Variants in RGS12 observed in about 807,000 individuals in gnomAD.
RGS12 encodes the protein regulator of G-protein signaling 12.
Under a neutral mutation model 120.1 loss-of-function variants are expected in RGS12, and 66 were observed. The ratio of observed to expected loss-of-function variants is 0.55; its 90% CI spans 0.45 to 0.67. The LOEUF (loss-of-function observed/expected upper bound fraction) is 0.67, where lower values mean the gene tolerates loss of function less well. Among genes scored for constraint, RGS12 ranks in the 30% least tolerant of loss-of-function variants. The probability of loss-of-function intolerance (pLI) is 0.00; values close to 1 mark genes in which losing one functional copy is unlikely to be tolerated. For missense variants in RGS12, 1,859 were observed against 1,957.7 expected (o/e 0.95, Z 0.95); for synonymous variants, 827 against 804.7 (o/e 1.03, Z -0.47).
intron 17 of RGS12, among the ~76,000 whole-genome samples, chr4:3,435,263 A>G (rs1340654113): frequency 1.3e-5 from 2 of 152,060 alleles, no homozygotes; most frequent in African/African-American, 4.8e-5. Flanking sequence ...TGGGGGTGAA[A>G]GTACCCCCCA....
chr4:3,297,440 T>C (rs955515017), intron 1 of RGS12, among the ~76,000 whole-genome samples: 2 of 152,198 alleles, frequency 1.3e-5, no homozygotes, highest in Admixed American at 1.3e-4. Context: ...TTTTTTTATT[T>C]CTCCCAAAGG....
intron 4 of RGS12, among the ~76,000 whole-genome samples, chr4:3,412,780 T>C (rs1721876057): frequency 6.6e-6 from 1 of 152,244 alleles, no homozygotes; most frequent in South Asian, 2.1e-4. Flanking sequence ...ACGTCATCTG[T>C]GGTCAGCAGG....
At chr4:3,423,916 G>A in intron 13 of RGS12, 1 of 380,946 alleles carries the variant, frequency 2.6e-6, no homozygotes. Context: ...GAGAAACAAA[G>A]CAACCAACCC....
At chr4:3,400,829 A>T (rs998247744) in intron 4 of RGS12, among the ~76,000 whole-genome samples, 6 of 149,472 alleles carry the variant, frequency 4.0e-5, no homozygotes, top group Non-Finnish European at 7.4e-5. Flanking sequence ...ACTTAATAGA[A>T]TACATATAAT....
chr4:3,424,714 G>T (rs569168758), intron 13 of RGS12, among the ~76,000 whole-genome samples: 2 of 152,350 alleles, frequency 1.3e-5, no homozygotes, highest in Non-Finnish European at 2.9e-5. Flanking sequence ...TGTGGAATGG[G>T]TTGTTTGGGA....
intron 4 of RGS12, chr4:3,413,750 C>T (rs1722011954): frequency 7.3e-6 from 2 of 275,842 alleles, no homozygotes; most frequent in Non-Finnish European, 1.4e-5. Context: ...TTTGTTGTTG[C>T]TTGGGCGAGT....
intron 3 of RGS12, among the ~76,000 whole-genome samples, chr4:3,384,253 C>T (rs1718578300): frequency 1.3e-5 from 2 of 152,148 alleles, no homozygotes; most frequent in African/African-American, 4.8e-5. Context: ...CTCCCGGGTT[C>T]AAGCGATTCT....
At chr4:3,309,112 T>C (rs1351370072) in intron 1 of RGS12, among the ~76,000 whole-genome samples, 867 of 59,000 alleles carry the variant, frequency 0.015, 1 homozygote, top group African/African-American at 0.046. Context: ...GGGAACCGTG[T>C]TGAGGAGGAG....
At position 3,372,812 on chromosome 4, in the gene RGS12, C is replaced by G. The variant is rs12640186; in HGVS notation, c.1999-13604C>G. Among the ~76,000 whole-genome samples, 280 of 152,206 alleles carry G rather than the reference C, an allele frequency of 1.8e-3. 3 individuals carry two copies. Among genetic ancestry groups the G allele is most frequent in the African/African-American group, 6.6e-3 (275 of 41,520 alleles). On this transcript the variant is annotated intron_variant, in intron 3 of 17. Transcript: ENST00000336727. The surrounding 1 kb of genome is among the most constrained non-coding windows in gnomAD (Gnocchi z 4.3). ...CGGGGTTGTCTTCAGGCTGCCAGAGCGTGACAGAAAGAACTTTCTAGAGAC... is the reference window on the plus strand; with the variant it reads ...CGGGGTTGTCTTCAGGCTGCCAGAGGGTGACAGAAAGAACTTTCTAGAGAC...
At chr4:3,387,623 A>G (rs1718991634) in intron 4 of RGS12, among the ~76,000 whole-genome samples, 1 of 152,226 alleles carries the variant, frequency 6.6e-6, no homozygotes, top group Non-Finnish European at 1.5e-5. Flanking sequence ...GTACAATGAA[A>G]ATCATGTCAT....
chr4:3,374,363 C>T lies in RGS12; in HGVS notation c.1999-12053C>T, dbSNP rs928453234. On this transcript the variant is annotated intron_variant, in intron 3 of 17. Transcript: ENST00000336727. This position sits in a 1 kb window ranked among gnomAD's most constrained non-coding sequence, Gnocchi z 6.3. ...CTTCACGGGGGAGGCCTAGGCTGGG[C>T]GGGGACCGGTCTCCTTCCGCCACCA... Among the ~76,000 whole-genome samples the T allele has an allele frequency of 6.6e-6, 1 of 152,162 alleles. No individual in the cohort carries two copies. Among genetic ancestry groups the T allele is most frequent in the Non-Finnish European group, 1.5e-5 (1 of 68,014 alleles).
intron 2 of RGS12, chr4:3,324,354 C>T (rs1009804532): frequency 1.1e-5 from 2 of 181,312 alleles, no homozygotes; most frequent in Non-Finnish European, 2.3e-5. Flanking sequence ...ACAGTATCAA[C>T]CCCTGCTGGA....
rs190156330 is a variant in RGS12 at position 3,372,255 on chromosome 4, G to A, written c.1999-14161G>A. ...GCTGTGGGGTGGCCGCTCTGGGCTG[G>A]GGGGCTGCTGCAGCCCTGGGCAGCC... On this transcript the variant is annotated intron_variant, in intron 3 of 17. Coordinates refer to ENST00000336727, the MANE Select transcript of RGS12 (RefSeq NM_001394154.1). This position sits in a 1 kb window ranked among gnomAD's most constrained non-coding sequence, Gnocchi z 4.3. Among the ~76,000 whole-genome samples the A allele has an allele frequency of 6.6e-6, 1 of 152,216 alleles. No individual in the cohort carries two copies. Among genetic ancestry groups the A allele is most frequent in the East Asian group, 1.9e-4 (1 of 5,158 alleles).
Position 3,316,570 on chromosome 4 carries a change from G to A in RGS12, c.400G>A (p.Ala134Thr). 1 of 1,614,176 alleles carries A rather than the reference G, an allele frequency of 6.2e-7. No individual in the cohort carries two copies. Among genetic ancestry groups the A allele is most frequent in the Middle Eastern group, 1.6e-4 (1 of 6,062 alleles). Residue 134 changes from alanine (A) to threonine (T), a missense_variant, in exon 2 of 18, where the codon GCA becomes ACA. This residue lies in a region of RGS12 where 967 missense variants were observed against 994.2 expected (regional missense o/e 0.97). Coordinates refer to ENST00000336727, the MANE Select transcript of RGS12 (RefSeq NM_001394154.1). Reference sequence around the variant, plus strand: ...TTCTAAAGCACTAGGTATAAACAGAGCAGAGCGAGTCGTGGAGGAAATGCA... The same window carrying A: ...TTCTAAAGCACTAGGTATAAACAGAACAGAGCGAGTCGTGGAGGAAATGCA... The part of the protein sequence containing the change: ...LDSKALGINR[A>T]ERVVEEMQSG...
intron 3 of RGS12, among the ~76,000 whole-genome samples, chr4:3,363,718 G>A (rs1182025524): frequency 6.6e-6 from 1 of 151,786 alleles, no homozygotes; most frequent in Non-Finnish European, 1.5e-5. Context: ...GGCTTGGCGG[G>A]AACAGCCCAA....
intron 1 of RGS12, among the ~76,000 whole-genome samples, chr4:3,311,857 G>T (rs528424032): frequency 5.3e-5 from 8 of 152,340 alleles, no homozygotes; most frequent in South Asian, 2.1e-4. Context: ...GTGTGACGTG[G>T]TCGGTGACTC....
chr4:3,316,723 A>G lies in RGS12; in HGVS notation c.553A>G (p.Ser185Gly). ...AACTCGATTTGATGTTGGACATGAA[A>G]GTATAAATAATCCAAATCCCAACAT... ...AATRFDVGHESINNPNPNMLS... is the reference protein window; with the variant it reads ...AATRFDVGHEGINNPNPNMLS... Residue 185 changes from serine (S) to glycine (G), a missense_variant, in exon 2 of 18, where the codon AGT (serine) becomes GGT (glycine). Ser to Gly is a moderately conservative substitution (Grantham distance 56). Coordinates refer to ENST00000336727, the MANE Select transcript of RGS12 (RefSeq NM_001394154.1). 4 of 1,614,226 alleles carry G rather than the reference A, an allele frequency of 2.5e-6. No individual in the cohort carries two copies. Among genetic ancestry groups the G allele is most frequent in the Non-Finnish European group, 3.4e-6 (4 of 1,180,038 alleles).
Position 3,417,441 on chromosome 4 carries a change from G to C in RGS12, c.2661G>C (p.Glu887Asp). 6.2e-7 allele frequency: 1 copy of C among 1,610,382 alleles called. No individual in the cohort carries two copies. Among genetic ancestry groups the C allele is most frequent in the Non-Finnish European group, 8.5e-7 (1 of 1,177,686 alleles). The part of the protein sequence containing the change: ...GRSLNEELGD[E>D]DSEKKRKGAF... ...CCCTGAATGAAGAGCTGGGGGATGA[G>C]GACAGCGAGAAGAAGCGGAAAGGCG... The change falls in exon 9 of 18, where the codon GAG becomes GAC. Residue 887 changes from glutamate to aspartate, a missense_variant. Physicochemically the swap from Glu to Asp is conservative, Grantham distance 45. Around this residue, in one of 3 missense-constraint regions of RGS12, gnomAD observed 375 missense variants for 475.0 expected, o/e 0.79. Coordinates refer to ENST00000336727, the MANE Select transcript of RGS12 (RefSeq NM_001394154.1).
intron 3 of RGS12, among the ~76,000 whole-genome samples, chr4:3,354,419 C>G (rs1481029770): frequency 6.6e-6 from 1 of 152,166 alleles, no homozygotes; most frequent in Non-Finnish European, 1.5e-5. Context: ...CTCTCTCTCC[C>G]AAATGGACTT....
Sources: allele counts gnomAD v4.1 joint callset (sites outside exome capture counted in the v4.1 genomes callset), GRCh38; gene constraint gnomAD v4.1.1; regional missense constraint gnomAD v4.1.1; non-coding constraint Gnocchi (gnomAD v3.1); transcripts MANE v1.5; gene names NCBI Gene and HGNC (gene_info 2026-07-23, HGNC 2026-07-21).